PRKAG2: variants seen among roughly 807,000 people sequenced by gnomAD.
PRKAG2 encodes the protein 5'-AMP-activated protein kinase subunit gamma-2.
A neutral mutation model predicts 69.6 loss-of-function variants in PRKAG2; 26 were observed. The observed-to-expected ratio is 0.37, with a 90% CI of 0.27 to 0.52. The LOEUF (loss-of-function observed/expected upper bound fraction) is 0.52, where lower values mean the gene tolerates loss of function less well. PRKAG2 is among the 20% of genes least tolerant of loss of function. The pLI, the probability that PRKAG2 is intolerant of heterozygous loss-of-function variation, is 0.90. For synonymous variants in PRKAG2, 293 were observed against 285.0 expected (o/e 1.03, Z -0.28); for missense variants, 557 against 740.0 (o/e 0.75, Z 2.87).
At chr7:151,761,823 C>T (rs767751179) in intron 3 of PRKAG2, among the ~76,000 whole-genome samples, 4 of 152,256 alleles carry the variant, frequency 2.6e-5, no homozygotes, top group Non-Finnish European at 5.9e-5. Flanking sequence ...TTCCACTCAG[C>T]CACCTTGTGC....
At chr7:151,574,251 A>G (rs1457007525) in intron 8 of PRKAG2, among the ~76,000 whole-genome samples, 1 of 152,202 alleles carries the variant, frequency 6.6e-6, no homozygotes, top group African/African-American at 2.4e-5. Context: ...CACCCTCATG[A>G]ACAAACAAAC....
At chr7:151,707,949 C>A (rs947074086) in intron 3 of PRKAG2, among the ~76,000 whole-genome samples, 4 of 152,228 alleles carry the variant, frequency 2.6e-5, no homozygotes, top group Non-Finnish European at 5.9e-5. Flanking sequence ...ACTCTCGGCC[C>A]AACCCAGACG....
At chr7:151,742,072 G>C (rs1378811430) in intron 3 of PRKAG2, among the ~76,000 whole-genome samples, 2 of 152,204 alleles carry the variant, frequency 1.3e-5, no homozygotes, top group Admixed American at 1.3e-4. Flanking sequence ...CAGAGAAGTA[G>C]TTTGACCTGG....
At chr7:151,671,700 C>A (rs1832070205) in intron 4 of PRKAG2, among the ~76,000 whole-genome samples, 1 of 152,258 alleles carries the variant, frequency 6.6e-6, no homozygotes, top group South Asian at 2.1e-4. Context: ...ATCAGGTTAA[C>A]CTGCTGCCAG....
rs529599025 is a variant in PRKAG2, at chr7:151,567,361, T to C, written c.1233+1355A>G. Among the ~76,000 whole-genome samples the C allele has an allele frequency of 2.6e-5, 4 of 152,178 alleles. No homozygotes were observed. Among genetic ancestry groups the C allele is most frequent in the Non-Finnish European group, 5.9e-5 (4 of 68,032 alleles). On this transcript the variant is annotated intron_variant, in intron 11 of 15. Coordinates refer to ENST00000287878, the MANE Select transcript of PRKAG2 (RefSeq NM_016203.4). The surrounding 1 kb of genome is among the most constrained non-coding windows in gnomAD (Gnocchi z 4.2). Reference sequence around the variant, plus strand: ...ATAAAATAGGATTAATAAAAATACCTACCTGATAGGGTAGCAGCGAGGATG... The same window carrying C: ...ATAAAATAGGATTAATAAAAATACCCACCTGATAGGGTAGCAGCGAGGATG...
At chr7:151,617,142 T>C (rs930704877) in intron 5 of PRKAG2, among the ~76,000 whole-genome samples, 2 of 151,640 alleles carry the variant, frequency 1.3e-5, no homozygotes, top group African/African-American at 4.9e-5. Flanking sequence ...GTGCCTGTAA[T>C]CCAAGCTATT....
At chr7:151,675,033 T>A in intron 4 of PRKAG2, 1 of 347,482 alleles carries the variant, frequency 2.9e-6, no homozygotes, top group East Asian at 7.6e-5. Flanking sequence ...GCAATTCTTA[T>A]GCCTCAGCCT....
intron 1 of PRKAG2, among the ~76,000 whole-genome samples, chr7:151,847,862 G>A (rs1269668731): frequency 6.6e-6 from 1 of 152,252 alleles, no homozygotes; most frequent in Non-Finnish European, 1.5e-5. Flanking sequence ...CAGCTCACAC[G>A]GGCTCCCCGG....
chr7:151,664,084 A>G (rs564502135), intron 4 of PRKAG2, among the ~76,000 whole-genome samples: 1 of 152,298 alleles, frequency 6.6e-6, no homozygotes, highest in South Asian at 2.1e-4. Flanking sequence ...CCCATGAGAC[A>G]CCATGTGCCA....
intron 3 of PRKAG2, among the ~76,000 whole-genome samples, chr7:151,727,229 AAAAAC>A (rs951691633): frequency 9.9e-5 from 15 of 151,320 alleles, no homozygotes; most frequent in African/African-American, 3.6e-4. Flanking sequence ...AAAAAAAACA[AAAAAC>A]AAAACAAAAC....
In PRKAG2 at chr7:151,851,233, C is replaced by T. The variant is rs114530592; in HGVS notation, c.114+25274G>A. On this transcript the variant is annotated intron_variant, in intron 1 of 15. Transcript: ENST00000287878. Reference sequence around the variant, plus strand: ...GCCTCTTGCTGGGAGAGGCCAAAACCACAACTTTCCGGAACTGGAGTGAGC... The same window carrying T: ...GCCTCTTGCTGGGAGAGGCCAAAACTACAACTTTCCGGAACTGGAGTGAGC... Among the ~76,000 whole-genome samples the T allele has an allele frequency of 7.0e-3, 1,059 of 152,102 alleles. 5 individuals are homozygous for T. Among genetic ancestry groups the T allele is most frequent in the Middle Eastern group, 0.031 (9 of 294 alleles).
intron 1 of PRKAG2, among the ~76,000 whole-genome samples, chr7:151,792,684 G>A (rs1213452509): frequency 1.3e-5 from 2 of 152,244 alleles, no homozygotes; most frequent in African/African-American, 2.4e-5. Flanking sequence ...AGGGGCCCAC[G>A]ATGGCCCCCA....
At chr7:151,778,635 T>C (rs1309191829) in intron 3 of PRKAG2, among the ~76,000 whole-genome samples, 3 of 152,234 alleles carry the variant, frequency 2.0e-5, no homozygotes, top group African/African-American at 4.8e-5. Flanking sequence ...CCCCAGGCAT[T>C]CCTGGTGGCT....
At chr7:151,752,192 A>G (rs1317079455) in intron 3 of PRKAG2, among the ~76,000 whole-genome samples, 1 of 152,230 alleles carries the variant, frequency 6.6e-6, no homozygotes, top group Non-Finnish European at 1.5e-5. Flanking sequence ...AAAATGTAGT[A>G]CATATGTGCT....
intron 3 of PRKAG2, among the ~76,000 whole-genome samples, chr7:151,732,879 G>C (rs1311131943): frequency 1.3e-5 from 2 of 152,272 alleles, no homozygotes; most frequent in East Asian, 1.9e-4. Flanking sequence ...TTTTAGTAGA[G>C]ACAAGGTTTC....
intron 3 of PRKAG2, among the ~76,000 whole-genome samples, chr7:151,752,978 G>A (rs545132595): frequency 7.9e-5 from 12 of 151,932 alleles, no homozygotes; most frequent in African/African-American, 2.9e-4. Context: ...CGGCCGCATC[G>A]GGTGACCCTG....
At chr7:151,612,879 C>T (rs1299434156) in intron 5 of PRKAG2, among the ~76,000 whole-genome samples, 1 of 152,212 alleles carries the variant, frequency 6.6e-6, no homozygotes, top group Non-Finnish European at 1.5e-5. Context: ...AGCCAGTCCC[C>T]TTGGGTGGGG....
At chr7:151,832,254 AGG>A (rs2079047988) in intron 1 of PRKAG2, among the ~76,000 whole-genome samples, 1 of 123,500 alleles carries the variant, frequency 8.1e-6, no homozygotes, top group East Asian at 2.6e-4. Context: ...GAAGGAAGGG[AGG>A]AGGGAAGGAA....
intron 5 of PRKAG2, among the ~76,000 whole-genome samples, chr7:151,624,339 G>C (rs1031481608): frequency 6.6e-6 from 1 of 151,850 alleles, no homozygotes; most frequent in Non-Finnish European, 1.5e-5. Context: ...TTTATAGAGA[G>C]AGGGTTTCGC....
Sources: allele counts gnomAD v4.1 joint callset (sites outside exome capture counted in the v4.1 genomes callset), GRCh38; gene constraint gnomAD v4.1.1; non-coding constraint Gnocchi (gnomAD v3.1); transcripts MANE v1.5; gene names NCBI Gene and HGNC (gene_info 2026-07-23, HGNC 2026-07-21).